The following AUTS2 variants were observed in gnomAD, a reference collection of about 807,000 sequenced individuals.
AUTS2 encodes the protein activator of transcription and developmental regulator AUTS2.
In AUTS2, 17 loss-of-function variants were observed where a neutral mutation model predicts 112.4. The ratio of observed to expected loss-of-function variants is 0.15; its 90% CI spans 0.10 to 0.23. The LOEUF is 0.23. Ranked by LOEUF, AUTS2 falls within the 10% of genes least tolerant of loss-of-function variation. AUTS2 has a pLI of 1.00. For missense variants in AUTS2, 1,510 were observed against 1,701.6 expected, an observed-to-expected ratio of 0.89 and a Z score of 1.98; for synonymous variants, 751 against 702.7, an observed-to-expected ratio of 1.07 and a Z score of -1.09.
intron 2 of AUTS2, among the ~76,000 whole-genome samples, chr7:70,053,544 G>GTGTTTTTTTTTTTTTTTTTTTTTTTT (rs1801849468): frequency 7.8e-6 from 1 of 127,848 alleles, no homozygotes. Context: ...GTTTTGGGTG[G>GTGTTTTTTTTTTTTTTTTTTTTTTTT]TTTTTTTTTT....
rs1562944233 is a variant in AUTS2, at chr7:69,876,529, TA to T, written c.310-22756del. Among the ~76,000 whole-genome samples the T allele has an allele frequency of 4.6e-4, 32 of 69,402 alleles. 2 individuals are homozygous for T. The South Asian group carries it at 0.012, about 26-fold the overall frequency. 45.5% of individuals were successfully genotyped at this position (69,402 alleles called of 152,430 possible). ...ATATATATATATATATATATATATA[TA>T]TATATATATATATATTTTCAGTGTT... On this transcript the variant is annotated intron_variant, in intron 1 of 18. Transcript: ENST00000342771.
At chr7:69,899,615 G>C (rs1794893706) in intron 2 of AUTS2, 117 bp downstream of exon 2, 1 of 947,262 alleles carries the variant, frequency 1.1e-6, no homozygotes. Flanking sequence ...ATGCTGAAGT[G>C]GTTGTCCAAC....
At chr7:70,516,196 G>A (rs550815220) in intron 5 of AUTS2, among the ~76,000 whole-genome samples, 2 of 152,298 alleles carry the variant, frequency 1.3e-5, no homozygotes, top group Admixed American at 1.3e-4. Flanking sequence ...TTCAAGCCAA[G>A]CAACAGAGTT....
intron 1 of AUTS2, among the ~76,000 whole-genome samples, chr7:69,719,993 A>T (rs1798834122): frequency 6.6e-6 from 1 of 152,212 alleles, no homozygotes; most frequent in South Asian, 2.1e-4. Context: ...TTCTGGTTGG[A>T]TGGAATCCAA....
At chr7:70,134,096 T>C (rs1806416054) in intron 3 of AUTS2, among the ~76,000 whole-genome samples, 1 of 152,190 alleles carries the variant, frequency 6.6e-6, no homozygotes, top group Non-Finnish European at 1.5e-5. Context: ...ACTGGGCTTT[T>C]TATTTTCAAG....
intron 6 of AUTS2, among the ~76,000 whole-genome samples, chr7:70,724,350 C>A (rs1317875761): frequency 2.6e-5 from 4 of 150,950 alleles, no homozygotes. Context: ...TAACTAGATT[C>A]TCTGTTTTAT....
chr7:70,637,021 G>A (rs1805568910), intron 5 of AUTS2, among the ~76,000 whole-genome samples: 1 of 152,130 alleles, frequency 6.6e-6, no homozygotes, highest in Admixed American at 6.5e-5. Flanking sequence ...CAGTTTCCAG[G>A]CAAACGTGAT....
At chr7:69,649,007 T>C (rs964577385) in intron 1 of AUTS2, among the ~76,000 whole-genome samples, 1 of 152,144 alleles carries the variant, frequency 6.6e-6, no homozygotes, top group Non-Finnish European at 1.5e-5. Context: ...AGTAAGTAGG[T>C]AGGAGCAACA....
chr7:70,516,721 G>A (rs1179650890), intron 5 of AUTS2, among the ~76,000 whole-genome samples: 4 of 152,160 alleles, frequency 2.6e-5, no homozygotes, highest in Admixed American at 6.5e-5. Context: ...TAACGTACAC[G>A]AAAGCACTTG....
intron 1 of AUTS2, among the ~76,000 whole-genome samples, chr7:69,675,173 C>A (rs935556355): frequency 2.6e-5 from 4 of 152,158 alleles, no homozygotes; most frequent in Non-Finnish European, 5.9e-5. Context: ...TAGCACTAAC[C>A]TCTTTTAAAT....
intron 1 of AUTS2, among the ~76,000 whole-genome samples, chr7:69,633,433 G>A (rs1184659821): frequency 6.6e-6 from 1 of 152,124 alleles, no homozygotes; most frequent in Non-Finnish European, 1.5e-5. Context: ...TTTATAAGGG[G>A]GAGATTTCAT....
chr7:70,574,997 C>T (rs763929874), intron 5 of AUTS2, among the ~76,000 whole-genome samples: 2 of 152,168 alleles, frequency 1.3e-5, no homozygotes, highest in Non-Finnish European at 2.9e-5. Flanking sequence ...CATCCTTTTC[C>T]TTGGGAAACA....
intron 1 of AUTS2, among the ~76,000 whole-genome samples, chr7:69,831,964 C>A (rs551347242): frequency 7.0e-4 from 107 of 152,294 alleles, no homozygotes; most frequent in Middle Eastern, 3.4e-3. Flanking sequence ...AGGGTTTTAA[C>A]TCATTCAGTA....
intron 1 of AUTS2, among the ~76,000 whole-genome samples, chr7:69,738,859 C>T (rs1787147889): frequency 6.6e-6 from 1 of 152,016 alleles, no homozygotes; most frequent in Non-Finnish European, 1.5e-5. Context: ...TGCTGCTGTT[C>T]TTTTGGTAAT....
intron 1 of AUTS2, among the ~76,000 whole-genome samples, chr7:69,611,917 A>T: frequency 7.9e-6 from 1 of 125,834 alleles, no homozygotes; most frequent in Admixed American, 9.1e-5. Flanking sequence ...GGCCTGGGCG[A>T]CAGAGCGAGA....
chr7:70,720,522 A>T (rs1786576517), intron 6 of AUTS2, among the ~76,000 whole-genome samples: 1 of 152,096 alleles, frequency 6.6e-6, no homozygotes, highest in Admixed American at 6.6e-5. Context: ...ATGGAGAGGA[A>T]AGTAGTTGGT....
intron 5 of AUTS2, among the ~76,000 whole-genome samples, chr7:70,607,264 T>G (rs1162699218): frequency 1.3e-5 from 2 of 152,136 alleles, no homozygotes; most frequent in African/African-American, 4.8e-5. Context: ...GAATCCTCAG[T>G]GCTGACAGGA....
At chr7:69,711,815 A>G (rs975439293) in intron 1 of AUTS2, among the ~76,000 whole-genome samples, 2 of 152,188 alleles carry the variant, frequency 1.3e-5, no homozygotes, top group Non-Finnish European at 2.9e-5. Flanking sequence ...ACTATCCACA[A>G]AGTGTACATT....
rs766336613 is a variant in AUTS2, at chr7:70,790,040, C to T, written c.2824C>T (p.Pro942Ser). The change falls in exon 19 of 19, where the codon CCC becomes TCC. Residue 942 changes from proline (P) to serine (S), a missense_variant. By Grantham distance (74) the Pro-to-Ser change is moderately conservative. Around this residue, in one of 3 missense-constraint regions of AUTS2, gnomAD observed 788 missense variants for 797.6 expected, o/e 0.99. Coordinates refer to ENST00000342771, the MANE Select transcript of AUTS2 (RefSeq NM_015570.4). This position sits in a 1 kb window ranked among gnomAD's most constrained non-coding sequence, Gnocchi z 7.6. The stretch of plus-strand genomic sequence containing the variant: ...CAAGCAGCTGGCCCGGGTGCCGTCT[C>T]CCTACGTGCGGACCCCGGTGGTGGA... ...EAKQLARVPS[P>S]YVRTPVVESA... 3.8e-6 allele frequency: 6 copies of T among 1,582,406 alleles called. No homozygotes were observed. The highest frequency in any genetic ancestry group is 3.7e-5 in the Admixed American group (2 of 54,004).
Sources: allele counts gnomAD v4.1 joint callset (sites outside exome capture counted in the v4.1 genomes callset), GRCh38; gene constraint gnomAD v4.1.1; regional missense constraint gnomAD v4.1.1; non-coding constraint Gnocchi (gnomAD v3.1); transcripts MANE v1.5; gene names NCBI Gene and HGNC (gene_info 2026-07-23, HGNC 2026-07-21).